Variants in AWAT2 observed in about 807,000 individuals in gnomAD.
The protein encoded by AWAT2 is 11-cis-RE-synthase.
A neutral mutation model predicts 22.3 loss-of-function variants in AWAT2; 9 were observed. That is an observed-to-expected ratio of 0.40 (90% CI 0.24 to 0.70). AWAT2 has a LOEUF of 0.70. AWAT2 is among the 30% of genes least tolerant of loss of function. The pLI, the probability that AWAT2 is intolerant of heterozygous loss-of-function variation, is 0.36. For missense variants in AWAT2, 217 were observed against 265.9 expected (o/e 0.82, Z 1.28); for synonymous variants, 100 against 93.4 (o/e 1.07, Z -0.40).
At position 70,043,958 on chromosome X, in the gene AWAT2, A is replaced by G; in HGVS notation, c.235T>C (p.Trp79Arg). ...RFTCVRHWRL[W>R]KHYSDYFPLK... is the part of the protein sequence containing the mutation. ...GGGAAATAATCGCTGTAGTGTTTCCACAGGCGCCAGTGCCTCACACAGGTA... is the reference window on the plus strand; with the variant it reads ...GGGAAATAATCGCTGTAGTGTTTCCGCAGGCGCCAGTGCCTCACACAGGTA... Residue 79 changes from tryptophan (W) to arginine (R), a missense_variant, in exon 3 of 8, where the codon TGG (tryptophan) becomes CGG (arginine). Coordinates refer to ENST00000276101, the MANE Select transcript of AWAT2 (RefSeq NM_001002254.1). 8.3e-7 allele frequency: 1 copy of G among 1,201,777 alleles called. No individual in the cohort carries two copies. Among genetic ancestry groups the G allele is most frequent in the Non-Finnish European group, 1.1e-6 (1 of 890,493 alleles).
intron 5 of AWAT2, 157 bp downstream of exon 5, chrX:70,042,912 C>T: frequency 2.2e-6 from 1 of 446,962 alleles, no homozygotes; most frequent in Non-Finnish European, 3.4e-6. Flanking sequence ...TTTTAATTGA[C>T]AAATAAAACT....
At chrX:70,048,689 C>T (rs571697668) in intron 1 of AWAT2, among the ~76,000 whole-genome samples, 12 of 111,839 alleles carry the variant, frequency 1.1e-4, no homozygotes, top group East Asian at 5.6e-4. Flanking sequence ...CAAAATGAGG[C>T]GACAGCTCAT....
rs2020329021 is a variant in AWAT2 at position 70,041,689 on chromosome X, C to G, written c.*36-67G>C. On this transcript the variant is annotated intron_variant, in intron 7 of 7. Transcript: ENST00000276101. ...ACAAGCAAATGAACAAACAGCCCCT[C>G]CCCATAAGGAGGACTGGTCAAATCA... 15 of 729,218 alleles carry G rather than the reference C, an allele frequency of 2.1e-5. No homozygotes were observed. The South Asian group carries it at 4.5e-4, about 22-fold the overall frequency. The allele number at this position is 729,218 out of a possible 1,213,427, so 60.1% of individuals were successfully genotyped here.
intron 1 of AWAT2, 33 bp downstream of exon 1, chrX:70,049,815 G>A: frequency 1.7e-5 from 20 of 1,205,407 alleles, no homozygotes; most frequent in Non-Finnish European, 2.2e-5. Context: ...AAGCCAGGAT[G>A]GTTGGTCACC....
At chrX:70,043,783 A>C in intron 3 of AWAT2, 101 bp from the exon 4 acceptor site, 1 of 992,989 alleles carries the variant, frequency 1.0e-6, no homozygotes, top group South Asian at 2.3e-5. Flanking sequence ...CTAGCCATGC[A>C]GGTTGCCCAA....
chrX:70,043,237 C>A lies in AWAT2; in HGVS notation c.479G>T (p.Cys160Phe). ...LREYVMSTGA[C>F]SVSRSSIDFL... is the part of the protein sequence containing the mutation. ...GTCAATGGAGGATCGACTCACAGAG[C>A]AGGCCCCTGGTGGATAGAAAAAGCC... Residue 160 changes from cysteine to phenylalanine, a missense_variant, in exon 5 of 8, where the codon TGC becomes TTC. Physicochemically the swap from Cys to Phe is radical, Grantham distance 205 (BLOSUM62 -2). Transcript: ENST00000276101. 8.3e-7 allele frequency: 1 copy of A among 1,202,118 alleles called. No homozygotes were observed. Among genetic ancestry groups the A allele is most frequent in the Non-Finnish European group, 1.1e-6 (1 of 890,557 alleles).
intron 5 of AWAT2, chrX:70,042,708 G>C (rs746437288): frequency 2.4e-6 from 1 of 414,207 alleles, no homozygotes; most frequent in Non-Finnish European, 4.2e-6. Context: ...GGCTCTCTCT[G>C]AGACAGGGTT....
At chrX:70,044,204 A>G (rs907163646) in intron 2 of AWAT2, 148 bp downstream of exon 2, 1 of 1,050,378 alleles carries the variant, frequency 9.5e-7, no homozygotes, top group South Asian at 2.3e-5. Flanking sequence ...CTACCACCTT[A>G]AAAGGACCCC....
chrX:70,044,295 G>A, intron 2 of AWAT2, 57 bp downstream of exon 2: 1 of 1,185,384 alleles, frequency 8.4e-7, no homozygotes, highest in East Asian at 3.0e-5. Context: ...GGATTGTGAT[G>A]AGAGAAGGGG....
chrX:70,041,913 G>T lies in AWAT2; in HGVS notation c.897C>A (p.Ile299=), dbSNP rs1410400116. The T allele has an allele frequency of 1.7e-6, 2 of 1,211,082 alleles. No individual in the cohort carries two copies. ...TATAGAGTGTGTGATATTTAGCCAC[G>T]ATCTCCTGGCTTGGATTCTCAATCT... ...MPKIENPSQE[I]VAKYHTLYID... The change falls in exon 7 of 8, where the codon ATC becomes ATA. Residue 299 remains isoleucine (I), a synonymous_variant. Coordinates refer to ENST00000276101, the MANE Select transcript of AWAT2 (RefSeq NM_001002254.1).
chrX:70,043,188 T>C lies in AWAT2; in HGVS notation c.528A>G (p.Thr176=). 1 of 1,207,367 alleles carries C rather than the reference T, an allele frequency of 8.3e-7. No homozygotes were observed. Among genetic ancestry groups the C allele is most frequent in the Non-Finnish European group, 1.1e-6 (1 of 893,482 alleles). Residue 176 remains threonine, a synonymous_variant, in exon 5 of 8, where the codon ACA becomes ACG. Coordinates refer to ENST00000276101, the MANE Select transcript of AWAT2 (RefSeq NM_001002254.1). ...CAATCACCACAATGACCATGTTGCC[T>C]GTGCCTTTATGAGTCAGCAGAAAGT... is the stretch of plus-strand genomic sequence containing the variant. ...SIDFLLTHKG[T]GNMVIVVIGG...
chrX:70,041,822 G>T lies in AWAT2; in HGVS notation c.988C>A (p.Leu330Met), dbSNP rs1362203593. The T allele has an allele frequency of 8.3e-7, 1 of 1,210,952 alleles. No individual in the cohort carries two copies. Residue 330 changes from leucine (L) to methionine (M), a missense_variant, in exon 7 of 8, where the codon CTG becomes ATG. Leu to Met is a conservative substitution (Grantham distance 15). Transcript: ENST00000276101. ...TKFGISETQE[L>M]EII is the part of the protein sequence containing the mutation. Reference sequence around the variant, plus strand: ...GGGGATGTCTGTCAAATTATCTCCAGCTCCTGGGTCTCTGAGATACCAAAC... The same window carrying T: ...GGGGATGTCTGTCAAATTATCTCCATCTCCTGGGTCTCTGAGATACCAAAC...
At chrX:70,043,047 C>T in intron 5 of AWAT2, 22 bp downstream of exon 5, 1 of 1,160,890 alleles carries the variant, frequency 8.6e-7, no homozygotes, top group Non-Finnish European at 1.1e-6. Flanking sequence ...CTTCCGCCAG[C>T]CTGGACTGGA....
intron 1 of AWAT2, among the ~76,000 whole-genome samples, chrX:70,047,880 C>T (rs1450498679): frequency 1.8e-5 from 2 of 110,475 alleles, no homozygotes; most frequent in Non-Finnish European, 3.8e-5. Context: ...GTTAAGAGTC[C>T]TCTGAGTCCA....
At chrX:70,047,902 G>A (rs1455557761) in intron 1 of AWAT2, among the ~76,000 whole-genome samples, 2 of 110,032 alleles carry the variant, frequency 1.8e-5, no homozygotes, top group Non-Finnish European at 3.8e-5. Context: ...TTTGTCCCTG[G>A]ACTCATCCCC....
chrX:70,048,504 C>G (rs1400736527), intron 1 of AWAT2, among the ~76,000 whole-genome samples: 1 of 112,076 alleles, frequency 8.9e-6, no homozygotes, highest in Non-Finnish European at 1.9e-5. Flanking sequence ...GTTGCCCACT[C>G]TCTGCCCCAA....
intron 3 of AWAT2, 84 bp downstream of exon 3, chrX:70,043,842 G>C (rs1482445863): frequency 9.5e-7 from 1 of 1,055,750 alleles, no homozygotes; most frequent in African/African-American, 1.9e-5. Flanking sequence ...TGTGGATGGC[G>C]CCCTCCACCC....
intron 1 of AWAT2, among the ~76,000 whole-genome samples, chrX:70,048,074 C>A (rs1247885903): frequency 2.8e-5 from 3 of 106,983 alleles, no homozygotes; most frequent in Admixed American, 2.0e-4. Flanking sequence ...AATCTCCCCT[C>A]TTCTTTCCTC....
At position 70,049,839 on chromosome X, in the gene AWAT2, A is replaced by G. The variant is rs1209663243; in HGVS notation, c.85+9T>C. 8.3e-7 allele frequency: 1 copy of G among 1,209,624 alleles called. No individual in the cohort carries two copies. The highest frequency in any genetic ancestry group is 1.7e-5 in the African/African-American group (1 of 57,164). On this transcript the variant is annotated intron_variant, in intron 1 of 7. Coordinates refer to ENST00000276101, the MANE Select transcript of AWAT2 (RefSeq NM_001002254.1). Reference sequence around the variant, plus strand: ...TGGTTGGTCACCCTACCAAAGGCTGAAGACTCACTGATAAGCAAGGCACTG... The same window carrying G: ...TGGTTGGTCACCCTACCAAAGGCTGGAGACTCACTGATAAGCAAGGCACTG...
Sources: allele counts gnomAD v4.1 joint callset (sites outside exome capture counted in the v4.1 genomes callset), GRCh38; gene constraint gnomAD v4.1.1; transcripts MANE v1.5; gene names NCBI Gene and HGNC (gene_info 2026-07-23, HGNC 2026-07-21).